Variants in PIK3C2G observed in about 807,000 individuals in gnomAD.
PIK3C2G encodes phosphatidylinositol 3-kinase C2 domain-containing subunit gamma.
In PIK3C2G, 168 loss-of-function variants were observed where a neutral mutation model predicts 181.1. The observed-to-expected ratio is 0.93, with a 90% CI of 0.82 to 1.05. The LOEUF is 1.05. Ranked by LOEUF, PIK3C2G falls within the 50% of genes least tolerant of loss-of-function variation. The pLI is 0.00. For synonymous variants in PIK3C2G, 573 were observed against 592.2 expected, an observed-to-expected ratio of 0.97 and a Z score of 0.47; for missense variants, 1,869 against 1,732.8, an observed-to-expected ratio of 1.08 and a Z score of -1.40.
chr12:18,333,140 T>C (rs887879835), intron 8 of PIK3C2G, among the ~76,000 whole-genome samples: 1 of 152,198 alleles, frequency 6.6e-6, no homozygotes, highest in African/African-American at 2.4e-5. Flanking sequence ...CCCATCTCTC[T>C]TTGGAGCAGT....
At chr12:18,346,994 T>C (rs372914392) in intron 11 of PIK3C2G, among the ~76,000 whole-genome samples, 158 bp downstream of exon 11, 49 of 152,374 alleles carry the variant, frequency 3.2e-4, no homozygotes, top group African/African-American at 1.1e-3. Context: ...ACATTTTAAA[T>C]GTTTAGATTC....
intron 29 of PIK3C2G, among the ~76,000 whole-genome samples, chr12:18,593,296 C>T (rs1019235258): frequency 6.6e-6 from 1 of 151,852 alleles, no homozygotes; most frequent in Non-Finnish European, 1.5e-5. Flanking sequence ...AATAATTCAA[C>T]TATGACAGAG....
At chr12:18,448,233 T>C (rs1175495306) in intron 18 of PIK3C2G, among the ~76,000 whole-genome samples, 1 of 152,176 alleles carries the variant, frequency 6.6e-6, no homozygotes, top group Non-Finnish European at 1.5e-5. Context: ...GTATGTTTTG[T>C]AATGGAATAT....
chr12:18,387,459 C>T (rs561892003), intron 14 of PIK3C2G, among the ~76,000 whole-genome samples: 3 of 152,258 alleles, frequency 2.0e-5, no homozygotes, highest in South Asian at 2.1e-4. Flanking sequence ...TCGTTTCTGA[C>T]ATGCACTGTC....
chr12:18,310,362 G>A (rs1028630329), intron 5 of PIK3C2G, among the ~76,000 whole-genome samples: 5 of 151,790 alleles, frequency 3.3e-5, no homozygotes, highest in East Asian at 1.9e-4. Context: ...ACGTAGTTAC[G>A]TTTAGTTTAA....
chr12:18,719,352 C>T, the PIK3C2G span: 2 of 793,058 alleles, frequency 2.5e-6, no homozygotes, highest in Admixed American at 3.7e-5. Flanking sequence ...TTATTGTGCA[C>T]TCTTGCCTAC....
In PIK3C2G at chr12:18,461,203, T is replaced by C. The variant is rs1280032788; in HGVS notation, c.2505-27246T>C. ...CTTCAGCATCTTTCTAAAAAGTAAG[T>C]AGCATATTTTCATAACGTCATTTTT... On this transcript the variant is annotated intron_variant, in intron 18 of 32. Transcript: ENST00000538779. Among the ~76,000 whole-genome samples, 3 of 152,186 alleles carry C rather than the reference T, an allele frequency of 2.0e-5. No individual in the cohort carries two copies. The East Asian group carries it at 5.8e-4, about 29-fold the overall frequency.
chr12:18,698,786 A>G, the PIK3C2G span, among the ~76,000 whole-genome samples: 2 of 152,184 alleles, frequency 1.3e-5, no homozygotes, highest in Admixed American at 6.6e-5. Context: ...AAACAATCCA[A>G]TTATACTCTT....
Position 18,275,555 on chromosome 12 carries a change from G to A in PIK3C2G, c.-78-6449G>A, listed in dbSNP as rs541800226. ...CGCCACCACGCCTGCCTAATTTTTT[G>A]TAGTTTTAGTAGAGACAGGGTTTCA... On this transcript the variant is annotated intron_variant, in intron 1 of 32. Coordinates refer to ENST00000538779, the MANE Select transcript of PIK3C2G (RefSeq NM_001288772.2). 5.9e-4 allele frequency among the ~76,000 whole-genome samples: 89 copies of A among 152,036 alleles called. 1 individual carries two copies. Among genetic ancestry groups the A allele is most frequent in the African/African-American group, 2.1e-3 (87 of 41,492 alleles).
Position 18,562,286 on chromosome 12 carries a change from C to A in PIK3C2G, c.3591-417C>A, listed in dbSNP as rs183409155. Among the ~76,000 whole-genome samples the A allele has an allele frequency of 5.7e-3, 862 of 152,256 alleles. 5 individuals are homozygous for A. The highest frequency in any genetic ancestry group is 0.02 in the African/African-American group (823 of 41,548). On this transcript the variant is annotated intron_variant, in intron 26 of 32. Coordinates refer to ENST00000538779, the MANE Select transcript of PIK3C2G (RefSeq NM_001288772.2). Reference sequence around the variant, plus strand: ...AGCTGGGACTACAGGCACCCGCCACCACGCCCGGCTAATTTTTTTGTATTT... The same window carrying A: ...AGCTGGGACTACAGGCACCCGCCACAACGCCCGGCTAATTTTTTTGTATTT...
intron 18 of PIK3C2G, among the ~76,000 whole-genome samples, chr12:18,471,132 G>C (rs1055833963): frequency 5.3e-5 from 8 of 152,002 alleles, no homozygotes; most frequent in Non-Finnish European, 5.9e-5. Flanking sequence ...AGAAACAAAT[G>C]AAAAAACTTG....
chr12:18,400,579 A>ACC (rs1944192880), intron 16 of PIK3C2G, among the ~76,000 whole-genome samples: 1 of 152,182 alleles, frequency 6.6e-6, no homozygotes. Context: ...ATTCTCAAGA[A>ACC]CCCAAGAGGA....
At chr12:18,668,948 C>T in the PIK3C2G span, among the ~76,000 whole-genome samples, 10 of 151,956 alleles carry the variant, frequency 6.6e-5, no homozygotes, top group Non-Finnish European at 1.2e-4. Flanking sequence ...AAGAAAAAAT[C>T]GTGAATAAGA....
At chr12:18,346,586 C>A in intron 10 of PIK3C2G, 55 bp from the exon 11 acceptor site, 1 of 967,284 alleles carries the variant, frequency 1.0e-6, no homozygotes. Flanking sequence ...TAATTGATGG[C>A]CTATGATAAA....
At chr12:18,656,662 G>T in the PIK3C2G span, among the ~76,000 whole-genome samples, 123,499 of 152,062 alleles carry the variant, frequency 0.81, 50,305 homozygotes, top group African/African-American at 0.85. Flanking sequence ...CTTGAGGCAG[G>T]AGTTCAAGTT....
At chr12:18,527,224 C>T (rs1054063161) in intron 24 of PIK3C2G, among the ~76,000 whole-genome samples, 1 of 152,076 alleles carries the variant, frequency 6.6e-6, no homozygotes. Flanking sequence ...GATCTCATAG[C>T]GTTGACTCTA....
the PIK3C2G span, among the ~76,000 whole-genome samples, chr12:18,665,636 T>C: frequency 1.3e-5 from 2 of 151,766 alleles, no homozygotes; most frequent in South Asian, 4.2e-4. Flanking sequence ...GTACTGAAAA[T>C]ACAAAAATTA....
At chr12:18,438,280 A>G (rs1946551984) in intron 18 of PIK3C2G, among the ~76,000 whole-genome samples, 1 of 151,876 alleles carries the variant, frequency 6.6e-6, no homozygotes, top group South Asian at 2.1e-4. Context: ...CAAGAACTGA[A>G]TTGGTGATCA....
chr12:18,346,676 T>C lies in PIK3C2G; in HGVS notation c.1465T>C (p.Ser489Pro), dbSNP rs1438286070. 6.2e-7 allele frequency: 1 copy of C among 1,613,270 alleles called. No individual in the cohort carries two copies. The highest frequency in any genetic ancestry group is 8.5e-7 in the Non-Finnish European group (1 of 1,179,364). The part of the protein sequence containing the change: ...IEKVTTELST[S>P]IYQLINVYCN... ...GAAGGTAACAACTGAACTATCCACA[T>C]CCATCTACCAGCTAATCAATGTCTA... The change falls in exon 11 of 33, where the codon TCC becomes CCC. Residue 489 changes from serine to proline, a missense_variant. By Grantham distance (74) the Ser-to-Pro change is moderately conservative (BLOSUM62 -1). Coordinates refer to ENST00000538779, the MANE Select transcript of PIK3C2G (RefSeq NM_001288772.2).
Sources: gnomAD v4.1 joint callset for allele counts (sites outside exome capture counted in the v4.1 genomes callset) on GRCh38, gnomAD v4.1.1 for gene constraint, MANE v1.5 for transcripts, NCBI Gene and HGNC (gene_info 2026-07-23, HGNC 2026-07-21) for gene names.